SAMTOR: variants seen among roughly 807,000 people sequenced by gnomAD.
SAMTOR encodes the protein S-adenosylmethionine sensor upstream of mTORC1.
the SAMTOR span, among the ~76,000 whole-genome samples, chr7:112,904,827 T>C: frequency 6.6e-6 from 1 of 152,180 alleles, no homozygotes; most frequent in Non-Finnish European, 1.5e-5. Flanking sequence ...AGTACAAGCC[T>C]TCAAAAACCA....
chr7:112,887,252 C>T, the SAMTOR span, among the ~76,000 whole-genome samples: 1 of 150,754 alleles, frequency 6.6e-6, no homozygotes, highest in Non-Finnish European at 1.5e-5. Context: ...TATCATCAGG[C>T]AACTAGATAA....
At chr7:112,910,750 A>G in the SAMTOR span, among the ~76,000 whole-genome samples, 7 of 152,276 alleles carry the variant, frequency 4.6e-5, no homozygotes, top group African/African-American at 1.7e-4. Flanking sequence ...CTTTAGACCC[A>G]ACTTTCAGTT....
chr7:112,882,180 G>A, the SAMTOR span, among the ~76,000 whole-genome samples: 3 of 152,210 alleles, frequency 2.0e-5, no homozygotes, highest in Non-Finnish European at 2.9e-5. Context: ...TGCAGTGGCC[G>A]GACCCCATGT....
the SAMTOR span, chr7:112,820,268 C>G: frequency 6.6e-6 from 1 of 152,350 alleles, no homozygotes; most frequent in South Asian, 2.1e-4. Context: ...TTCAAAGGTA[C>G]TACGGCAATT....
At chr7:112,881,557 G>T in the SAMTOR span, among the ~76,000 whole-genome samples, 1 of 152,204 alleles carries the variant, frequency 6.6e-6, no homozygotes, top group African/African-American at 2.4e-5. Flanking sequence ...ACCCAATTCA[G>T]GTCTCCTCGA....
At chr7:112,902,430 AAAAAAAAAC>A in the SAMTOR span, among the ~76,000 whole-genome samples, 26 of 48,428 alleles carry the variant, frequency 5.4e-4, 2 homozygotes, top group Admixed American at 9.9e-4. Context: ...AAAAAAAAAC[AAAAAAAAAC>A]AAAAAAAAAC....
At chr7:112,840,971 A>T in the SAMTOR span, among the ~76,000 whole-genome samples, 1 of 152,118 alleles carries the variant, frequency 6.6e-6, no homozygotes, top group Admixed American at 6.6e-5. Flanking sequence ...CCCACAGCCA[A>T]TATCATACTG....
At chr7:112,850,431 G>T in the SAMTOR span, among the ~76,000 whole-genome samples, 17 of 152,158 alleles carry the variant, frequency 1.1e-4, no homozygotes, top group African/African-American at 4.1e-4. Flanking sequence ...TAGTTAGAAA[G>T]AATTCACTAC....
the SAMTOR span, among the ~76,000 whole-genome samples, chr7:112,896,084 T>C: frequency 6.6e-6 from 1 of 152,164 alleles, no homozygotes; most frequent in African/African-American, 2.4e-5. Context: ...GAAGGAATAG[T>C]AGTTGCAGTT....
the SAMTOR span, among the ~76,000 whole-genome samples, chr7:112,864,120 T>C: frequency 1.3e-5 from 2 of 152,174 alleles, no homozygotes; most frequent in East Asian, 3.9e-4. Context: ...TGGTGGCCAT[T>C]ATCCTCAGCA....
At chr7:112,871,590 C>T in the SAMTOR span, among the ~76,000 whole-genome samples, 1 of 152,072 alleles carries the variant, frequency 6.6e-6, no homozygotes, top group Non-Finnish European at 1.5e-5. Flanking sequence ...TAACAATCTA[C>T]TATTGTACCT....
the SAMTOR span, among the ~76,000 whole-genome samples, chr7:112,900,978 G>A: frequency 6.6e-6 from 1 of 152,188 alleles, no homozygotes; most frequent in Non-Finnish European, 1.5e-5. Context: ...CATTGGGTAT[G>A]GTGATGACTT....
the SAMTOR span, among the ~76,000 whole-genome samples, chr7:112,938,812 C>CT: frequency 6.6e-6 from 1 of 152,194 alleles, no homozygotes; most frequent in Admixed American, 6.5e-5. Flanking sequence ...GGCTTCTTCC[C>CT]CTATGAGCTT....
chr7:112,920,296 C>T, the SAMTOR span, among the ~76,000 whole-genome samples: 19 of 152,216 alleles, frequency 1.2e-4, no homozygotes, highest in South Asian at 4.1e-4. Flanking sequence ...TGGTTCAATA[C>T]ACGCAAATCA....
chr7:112,842,268 A>C, the SAMTOR span, among the ~76,000 whole-genome samples: 1 of 151,440 alleles, frequency 6.6e-6, no homozygotes, highest in Non-Finnish European at 1.5e-5. Flanking sequence ...TGTGCTTGGG[A>C]TATTCTATGG....
At chr7:112,841,141 T>C in the SAMTOR span, among the ~76,000 whole-genome samples, 1 of 151,888 alleles carries the variant, frequency 6.6e-6, no homozygotes, top group Non-Finnish European at 1.5e-5. Context: ...GGAAGCTAAA[T>C]TGTCTCTTTG....
chr7:112,893,985 C>T, the SAMTOR span, among the ~76,000 whole-genome samples: 2 of 152,246 alleles, frequency 1.3e-5, no homozygotes, highest in African/African-American at 4.8e-5. Flanking sequence ...AAAGGCCTAG[C>T]TTTCAGCCTA....
chr7:112,825,232 G>A, the SAMTOR span, among the ~76,000 whole-genome samples: 6 of 150,836 alleles, frequency 4.0e-5, no homozygotes, highest in South Asian at 1.3e-3. Flanking sequence ...TTGCCACATT[G>A]CCCAGGATGG....
the SAMTOR span, among the ~76,000 whole-genome samples, chr7:112,855,173 G>A: frequency 6.6e-6 from 1 of 152,108 alleles, no homozygotes; most frequent in Non-Finnish European, 1.5e-5. Context: ...TAATACTTAT[G>A]CTTTCTATAT....
Sources: allele counts gnomAD v4.1 joint callset (sites outside exome capture counted in the v4.1 genomes callset), GRCh38; gene constraint gnomAD v4.1.1; transcripts MANE v1.5; gene names NCBI Gene and HGNC (gene_info 2026-07-23, HGNC 2026-07-21).